The following BCAR1 variants were observed in gnomAD, a reference collection of about 807,000 sequenced individuals.
BCAR1 encodes BCAR1 scaffold protein, Cas family member.
Under a neutral mutation model 67.6 loss-of-function variants are expected in BCAR1, and 30 were observed. That is an observed-to-expected ratio of 0.44 (90% CI 0.33 to 0.60). BCAR1 has a LOEUF of 0.60. Among genes scored for constraint, BCAR1 ranks in the 20% least tolerant of loss-of-function variants. BCAR1 has a pLI of 0.02. For missense variants in BCAR1, 1,313 were observed against 1,222.3 expected (o/e 1.07, Z -1.11); for synonymous variants, 626 against 556.7 (o/e 1.12, Z -1.75).
At chr16:75,242,212 C>T (rs1276824602) in intron 2 of BCAR1, among the ~76,000 whole-genome samples, 2 of 152,248 alleles carry the variant, frequency 1.3e-5, no homozygotes, top group Non-Finnish European at 2.9e-5. Context: ...ACAGGCTGCT[C>T]CCTGTGGTTG....
intron 2 of BCAR1, chr16:75,238,699 G>A (rs750029589): frequency 8.6e-5 from 85 of 985,652 alleles, no homozygotes; most frequent in South Asian, 4.7e-4. Context: ...CTTCCAGTGC[G>A]TCTGGGAGTG....
intron 1 of BCAR1, among the ~76,000 whole-genome samples, chr16:75,267,657 G>A (rs1458081001): frequency 3.9e-5 from 6 of 151,908 alleles, no homozygotes; most frequent in Non-Finnish European, 8.8e-5. Context: ...TCCTGCTTGG[G>A]GCCCACTGTT....
chr16:75,265,542 A>C (rs1198928726), intron 1 of BCAR1, among the ~76,000 whole-genome samples: 1 of 151,590 alleles, frequency 6.6e-6, no homozygotes. Flanking sequence ...GGGGACCAAC[A>C]AAGAGTCTTC....
intron 3 of BCAR1, 91 bp downstream of exon 3, chr16:75,237,092 G>A (rs142811225): frequency 1.5e-5 from 22 of 1,506,520 alleles, no homozygotes; most frequent in Middle Eastern, 3.7e-4. Flanking sequence ...AGGCCTGGCC[G>A]GGGCTGAGAA....
Position 75,235,018 on chromosome 16 carries a change from G to A in BCAR1, c.1881C>T (p.Asp627=). The change falls in exon 5 of 7, where the codon GAC becomes GAT. Residue 627 remains aspartate, a synonymous_variant. Coordinates refer to ENST00000162330, the MANE Select transcript of BCAR1 (RefSeq NM_014567.5). ...GGGTLHPNPT[D]KTSSIQSRPL... is the part of the protein sequence containing the mutation. ...GTCGTGACTGGATGCTGCTGGTCTT[G>A]TCAGTGGGGTTGGGGTGCAGGGTGC... The A allele has an allele frequency of 3.1e-6, 5 of 1,613,256 alleles. No individual in the cohort carries two copies. Among genetic ancestry groups the A allele is most frequent in the Non-Finnish European group, 3.4e-6 (4 of 1,179,878 alleles).
intron 2 of BCAR1, chr16:75,238,167 C>T (rs1597204243): frequency 7.9e-7 from 1 of 1,264,048 alleles, no homozygotes; most frequent in East Asian, 5.9e-5. Flanking sequence ...TGCCCAGGGC[C>T]ACAGGACCCC....
At chr16:75,263,119 G>T in intron 1 of BCAR1, 1 of 831,236 alleles carries the variant, frequency 1.2e-6, no homozygotes, top group African/African-American at 1.8e-5. Context: ...CGGCATCCCT[G>T]AAAGGAGCCA....
Position 75,234,918 on chromosome 16 carries a change from T to C in BCAR1, c.1981A>G (p.Met661Val), listed in dbSNP as rs1439319312. Residue 661 changes from methionine (M) to valine (V), a missense_variant, in exon 5 of 7, where the codon ATG (methionine) becomes GTG (valine). Coordinates refer to ENST00000162330, the MANE Select transcript of BCAR1 (RefSeq NM_014567.5). Reference protein sequence around the residue: ...GQYENSEGGWMEDYDYVHLQG... With the variant: ...GQYENSEGGWVEDYDYVHLQG... Reference sequence around the variant, plus strand: ...AGGTGGACGTAGTCATAGTCCTCCATCCAGCCCCCCTCGCTGTTCTCGTAC... The same window carrying C: ...AGGTGGACGTAGTCATAGTCCTCCACCCAGCCCCCCTCGCTGTTCTCGTAC... 6.4e-7 allele frequency: 1 copy of C among 1,551,760 alleles called. No individual in the cohort carries two copies. The highest frequency in any genetic ancestry group is 8.7e-7 in the Non-Finnish European group (1 of 1,143,924).
At chr16:75,248,497 C>A in intron 1 of BCAR1, 1 of 348,988 alleles carries the variant, frequency 2.9e-6, no homozygotes, top group Non-Finnish European at 4.5e-6. Flanking sequence ...GATCACCCCA[C>A]TTGGTCCTGG....
At position 75,233,835 on chromosome 16, in the gene BCAR1, CG is replaced by C. The variant is rs1567585648; in HGVS notation, c.2100+10del. 1 of 1,593,972 alleles carries C rather than the reference CG, an allele frequency of 6.3e-7. No individual in the cohort carries two copies. Among genetic ancestry groups the C allele is most frequent in the Non-Finnish European group, 8.5e-7 (1 of 1,170,472 alleles). On this transcript the variant is annotated intron_variant, in intron 6 of 6. Transcript: ENST00000162330. ...GGCAAAGCTGGGCCTTGCTCTGCTC[CG>C]GGGCCTCACCTGCTGCAACTCCAGC... is the stretch of plus-strand genomic sequence containing the variant.
chr16:75,244,534 G>A (rs556691318), intron 1 of BCAR1, among the ~76,000 whole-genome samples: 10 of 152,356 alleles, frequency 6.6e-5, no homozygotes, highest in East Asian at 3.9e-4. Flanking sequence ...ACCAGGCAGC[G>A]GCCTGGGTAG....
rs1240191035 is a variant in BCAR1 at position 75,263,406 on chromosome 16, T to C, written c.66+4509A>G. 5 of 985,280 alleles carry C rather than the reference T, an allele frequency of 5.1e-6. No individual in the cohort carries two copies. The East Asian group carries it at 4.5e-4, about 90-fold the overall frequency. 61.0% of individuals were successfully genotyped at this position (985,280 alleles called of 1,614,324 possible). A position where few individuals can be genotyped will look rare whatever the true frequency, so the allele number is the denominator to read the frequency against. ...CAGAGCGCTGGGCGAGAGGAAGGCA[T>C]GGGAATACCCACAGGGTGTCCAGGC... On this transcript the variant is annotated intron_variant, in intron 1 of 6. Transcript: ENST00000393422.
rs1432805387 is a variant in BCAR1, at chr16:75,251,451, GC to G, written c.12+19del. On this transcript the variant is annotated intron_variant, in intron 1 of 6. Transcript: ENST00000162330. Reference sequence around the variant, plus strand: ...CGCCTCCAAGCCCGTACGCGGCCCGGCCCCACCTGGCGCCCTCACCAGGTGG... The same window carrying G: ...CGCCTCCAAGCCCGTACGCGGCCCGGCCCACCTGGCGCCCTCACCAGGTGG... 6.9e-7 allele frequency: 1 copy of G among 1,458,342 alleles called. No individual in the cohort carries two copies. Among genetic ancestry groups the G allele is most frequent in the Non-Finnish European group, 9.0e-7 (1 of 1,105,318 alleles). The allele number at this position is 1,458,342 out of a possible 1,614,324, so 90.3% of individuals were successfully genotyped here. A position where few individuals can be genotyped will look rare whatever the true frequency, so the allele number is the denominator to read the frequency against.
upstream of BCAR1, among the ~76,000 whole-genome samples, chr16:75,254,118 T>C (rs2077732129): frequency 6.6e-6 from 1 of 152,036 alleles, no homozygotes; most frequent in South Asian, 2.1e-4. Flanking sequence ...ATTTTTCACA[T>C]GAAGAGACCG....
intron 6 of BCAR1, among the ~76,000 whole-genome samples, chr16:75,230,536 T>A (rs1013680692): frequency 3.3e-5 from 5 of 152,206 alleles, no homozygotes; most frequent in Non-Finnish European, 4.4e-5. Context: ...AACGAAGATG[T>A]CACCTGTAAT....
At chr16:75,266,650 C>T in intron 1 of BCAR1, 8 of 1,175,738 alleles carry the variant, frequency 6.8e-6, no homozygotes, top group Non-Finnish European at 8.8e-6. Flanking sequence ...CGCTCCACTC[C>T]TGCCAGGCAG....
upstream of BCAR1, among the ~76,000 whole-genome samples, chr16:75,255,565 G>A (rs909960795): frequency 3.9e-5 from 6 of 152,006 alleles, no homozygotes; most frequent in South Asian, 2.1e-4. Context: ...CCGTGGTGGC[G>A]GGCACCTGTA....
At chr16:75,238,370 A>C (rs1049827566) in intron 2 of BCAR1, 120 of 1,097,636 alleles carry the variant, frequency 1.1e-4, no homozygotes, top group Non-Finnish European at 1.3e-4. Context: ...TCCTTCATCA[A>C]AGGGGATGTC....
chr16:75,243,668 C>G (rs2077427058), intron 1 of BCAR1, among the ~76,000 whole-genome samples: 1 of 152,258 alleles, frequency 6.6e-6, no homozygotes, highest in Non-Finnish European at 1.5e-5. Flanking sequence ...CCCTCCCTGT[C>G]CTGGCCCCGT....
Sources: allele counts gnomAD v4.1 joint callset (sites outside exome capture counted in the v4.1 genomes callset), GRCh38; gene constraint gnomAD v4.1.1; transcripts MANE v1.5; gene names NCBI Gene and HGNC (gene_info 2026-07-23, HGNC 2026-07-21).